The following SGPP2 variants were observed in gnomAD, a reference collection of about 807,000 sequenced individuals.
SGPP2 encodes the protein sphingosine-1-phosphate phosphatase 2, also known as sphingosine 1-phosphate phosphohydrolase 2.
Under a neutral mutation model 33.9 loss-of-function variants are expected in SGPP2, and 30 were observed. The ratio of observed to expected loss-of-function variants is 0.89; its 90% CI spans 0.66 to 1.20. SGPP2 has a LOEUF of 1.20. Ranked by LOEUF, SGPP2 falls within the 50% of genes most tolerant of loss-of-function variation. SGPP2 has a pLI of 0.00. For synonymous variants in SGPP2, 233 were observed against 225.0 expected (o/e 1.04, Z -0.32); for missense variants, 458 against 532.1 (o/e 0.86, Z 1.37).
chr2:222,559,438 TTCCTTA>T lies in SGPP2; in HGVS notation c.*543_*548del, dbSNP rs888435079. 1.3e-5 allele frequency: 2 copies of T among 155,706 alleles called. No homozygotes were observed. The highest frequency in any genetic ancestry group is 4.8e-5 in the African/African-American group (2 of 41,414). 9.6% of individuals were successfully genotyped at this position (155,706 alleles called of 1,614,324 possible). On this transcript the variant is annotated 3_prime_UTR_variant, in exon 5 of 5. Transcript: ENST00000321276. ...AACGGCATTCCTTGGACAGGGTGAC[TTCCTTA>T]TCGTTTATTTGGTGATTTTTTGTTT...
At chr2:222,485,715 C>T (rs1698095807) in intron 2 of SGPP2, among the ~76,000 whole-genome samples, 1 of 152,204 alleles carries the variant, frequency 6.6e-6, no homozygotes, top group Non-Finnish European at 1.5e-5. Flanking sequence ...TGCCTGCCTT[C>T]ATCTTCCCCA....
At chr2:222,427,600 A>G (rs1208860641) in intron 1 of SGPP2, among the ~76,000 whole-genome samples, 1 of 152,200 alleles carries the variant, frequency 6.6e-6, no homozygotes, top group East Asian at 1.9e-4. Context: ...TCTTTAAAAA[A>G]AAATGAGTGA....
At chr2:222,440,860 T>A (rs1031633510) in intron 1 of SGPP2, among the ~76,000 whole-genome samples, 2 of 151,862 alleles carry the variant, frequency 1.3e-5, no homozygotes, top group African/African-American at 4.8e-5. Context: ...AATCTGACAC[T>A]CTCTGCTTCC....
At chr2:222,513,798 T>C (rs1338172679) in intron 2 of SGPP2, among the ~76,000 whole-genome samples, 1 of 151,798 alleles carries the variant, frequency 6.6e-6, no homozygotes, top group Non-Finnish European at 1.5e-5. Flanking sequence ...TACCAGAAAC[T>C]GGAAGAGGCA....
intron 1 of SGPP2, chr2:222,453,054 G>A: frequency 7.0e-7 from 1 of 1,436,528 alleles, no homozygotes; most frequent in Admixed American, 1.7e-5. Flanking sequence ...CTTCTTTTGT[G>A]GCGCTATTCT....
At chr2:222,502,222 G>A (rs1032668951) in intron 2 of SGPP2, among the ~76,000 whole-genome samples, 28 of 152,126 alleles carry the variant, frequency 1.8e-4, no homozygotes, top group Admixed American at 2.6e-4. Context: ...AGAAAATTAC[G>A]TAAGTTTATA....
At chr2:222,555,715 G>A (rs1689385392) in intron 4 of SGPP2, among the ~76,000 whole-genome samples, 2 of 152,092 alleles carry the variant, frequency 1.3e-5, no homozygotes, top group Non-Finnish European at 2.9e-5. Flanking sequence ...TGCAGAAAGA[G>A]GAGGATGTAA....
intron 2 of SGPP2, among the ~76,000 whole-genome samples, chr2:222,491,064 C>G (rs1025773694): frequency 6.6e-6 from 1 of 152,114 alleles, no homozygotes; most frequent in African/African-American, 2.4e-5. Context: ...CTCATGCCAG[C>G]TTTTCACCCC....
Position 222,538,345 on chromosome 2 carries a change from G to A in SGPP2, c.648+13312G>A, listed in dbSNP as rs566656840. 1.4e-4 allele frequency among the ~76,000 whole-genome samples: 22 copies of A among 152,232 alleles called. No individual in the cohort carries two copies. The East Asian group carries it at 3.7e-3, about 25-fold the overall frequency. ...TGTACTCCTGCATATGAGAGAAAGG[G>A]AGAGGAAGAGAGACAGAGAGAGATT... On this transcript the variant is annotated intron_variant, in intron 4 of 4. Coordinates refer to ENST00000321276, the MANE Select transcript of SGPP2 (RefSeq NM_152386.4).
intron 2 of SGPP2, among the ~76,000 whole-genome samples, chr2:222,519,823 ATGT>A (rs1172645374): frequency 6.6e-6 from 1 of 152,092 alleles, no homozygotes; most frequent in African/African-American, 2.4e-5. Context: ...AGCTCCATCC[ATGT>A]TGTTGCAAGA....
intron 2 of SGPP2, among the ~76,000 whole-genome samples, chr2:222,490,447 G>A (rs1049627654): frequency 6.6e-6 from 1 of 152,032 alleles, no homozygotes; most frequent in Non-Finnish European, 1.5e-5. Context: ...AGTTCTTTTT[G>A]AGACAGGGTC....
intron 2 of SGPP2, among the ~76,000 whole-genome samples, chr2:222,487,847 C>T (rs1698135942): frequency 6.6e-6 from 1 of 152,124 alleles, no homozygotes; most frequent in South Asian, 2.1e-4. Flanking sequence ...TCACTTAACA[C>T]CCACCTCCCT....
rs114123434 is a variant in SGPP2, at chr2:222,534,232, C to T, written c.648+9199C>T. ...CCCTGACTATTCAACTTACACAAAA[C>T]GGATTTTAAGCCCTTTGACTAATGA... On this transcript the variant is annotated intron_variant, in intron 4 of 4. Transcript: ENST00000321276. Among the ~76,000 whole-genome samples, 1,025 of 152,258 alleles carry T rather than the reference C, an allele frequency of 6.7e-3. 8 individuals carry two copies. The highest frequency in any genetic ancestry group is 0.023 in the African/African-American group (941 of 41,540).
At chr2:222,492,115 C>T (rs1355478531) in intron 2 of SGPP2, among the ~76,000 whole-genome samples, 1 of 152,284 alleles carries the variant, frequency 6.6e-6, no homozygotes, top group Non-Finnish European at 1.5e-5. Context: ...CTTTTTCAGA[C>T]ACATGGTGCA....
chr2:222,431,214 C>G (rs1452348610), intron 1 of SGPP2, among the ~76,000 whole-genome samples: 1 of 151,734 alleles, frequency 6.6e-6, no homozygotes, highest in African/African-American at 2.4e-5. Context: ...TCTATTTAGG[C>G]CAGGCATGGT....
At position 222,561,390 on chromosome 2, in the gene SGPP2, C is replaced by T. The variant is rs935452457; in HGVS notation, c.*2492C>T. On this transcript the variant is annotated 3_prime_UTR_variant, in exon 5 of 5. Transcript: ENST00000321276. ...CAGAGTTCGCAACACTGGATATTTA[C>T]ACCAAATAATTGTGGTTGACTTGTC... Among the ~76,000 whole-genome samples, 5 of 152,074 alleles carry T rather than the reference C, an allele frequency of 3.3e-5. No individual in the cohort carries two copies. The highest frequency in any genetic ancestry group is 5.9e-5 in the Non-Finnish European group (4 of 68,022).
intron 1 of SGPP2, among the ~76,000 whole-genome samples, chr2:222,445,669 A>G (rs978665915): frequency 6.7e-6 from 1 of 149,744 alleles, no homozygotes; most frequent in Non-Finnish European, 1.5e-5. Context: ...CGATTAGACC[A>G]TACAGAGCTG....
At chr2:222,432,537 A>G (rs935748928) in intron 1 of SGPP2, among the ~76,000 whole-genome samples, 18 of 152,230 alleles carry the variant, frequency 1.2e-4, no homozygotes, top group African/African-American at 4.3e-4. Context: ...AAGATCATGC[A>G]TATTGTGTAG....
At chr2:222,539,032 C>T (rs1698955550) in intron 4 of SGPP2, among the ~76,000 whole-genome samples, 1 of 152,170 alleles carries the variant, frequency 6.6e-6, no homozygotes, top group African/African-American at 2.4e-5. Context: ...TCATGACTGT[C>T]CAACAGTCCC....
Sources: gnomAD v4.1 joint callset for allele counts (sites outside exome capture counted in the v4.1 genomes callset) on GRCh38, gnomAD v4.1.1 for gene constraint, MANE v1.5 for transcripts, NCBI Gene and HGNC (gene_info 2026-07-23, HGNC 2026-07-21) for gene names.